FRMD7: variants seen among roughly 807,000 people sequenced by gnomAD.
FRMD7 encodes FERM domain containing 7.
FRMD7 carries 14 observed loss-of-function variants against 44.1 expected under a neutral mutation model. The observed-to-expected ratio is 0.32, with a 90% CI of 0.21 to 0.50. FRMD7 has a LOEUF of 0.50. FRMD7 is among the 20% of genes least tolerant of loss of function. The pLI, the probability that FRMD7 is intolerant of heterozygous loss-of-function variation, is 0.99. For synonymous variants in FRMD7, 212 were observed against 187.4 expected (o/e 1.13, Z -1.07); for missense variants, 501 against 522.3 (o/e 0.96, Z 0.40).
At chrX:132,099,564 T>TC in intron 2 of FRMD7, 54 bp from the exon 3 acceptor site, 1 of 906,338 alleles carries the variant, frequency 1.1e-6, no homozygotes, top group South Asian at 2.1e-5. Flanking sequence ...GCAGAGCTTT[T>TC]TTTTTTTCGG....
intron 1 of FRMD7, among the ~76,000 whole-genome samples, chrX:132,103,104 C>T (rs1263756659): frequency 8.9e-6 from 1 of 111,864 alleles, no homozygotes; most frequent in Non-Finnish European, 1.9e-5. Flanking sequence ...AGGCATTTTC[C>T]TTCAGTCCTC....
chrX:132,077,964 G>T lies in FRMD7; in HGVS notation c.2053C>A (p.Gln685Lys), dbSNP rs1379860528. The T allele has an allele frequency of 8.3e-7, 1 of 1,211,313 alleles. No homozygotes were observed. The change falls in exon 12 of 12, where the codon CAG (glutamine) becomes AAG (lysine). Residue 685 changes from glutamine (Q) to lysine (K), a missense_variant. This residue lies in a region of FRMD7 where 453 missense variants were observed against 452.7 expected (regional missense o/e 1.00). Coordinates refer to ENST00000298542, the MANE Select transcript of FRMD7 (RefSeq NM_194277.3). ...GCATCTTCATCTTCTTCATCTAACT[G>T]TAGACTACCAGAAGACAGGCGGATT... The part of the protein sequence containing the change: ...ARIRLSSGSL[Q>K]LDEEDEDAYF...
intron 5 of FRMD7, among the ~76,000 whole-genome samples, chrX:132,090,567 C>T (rs896432705): frequency 9.0e-6 from 1 of 110,899 alleles, no homozygotes; most frequent in Non-Finnish European, 1.9e-5. Flanking sequence ...GGGAACAGGG[C>T]GTGACTGCAA....
intron 5 of FRMD7, among the ~76,000 whole-genome samples, chrX:132,088,426 C>T (rs1283985560): frequency 1.8e-5 from 2 of 110,799 alleles, no homozygotes; most frequent in Non-Finnish European, 3.8e-5. Context: ...TGGCACATGC[C>T]TGTGGTCCCA....
intron 5 of FRMD7, among the ~76,000 whole-genome samples, chrX:132,093,618 A>C (rs750444882): frequency 8.9e-6 from 1 of 112,752 alleles, no homozygotes; most frequent in African/African-American, 3.2e-5. Context: ...TGTTCTCTGA[A>C]ATCATGATAA....
At chrX:132,115,598 C>A (rs184354135) in intron 1 of FRMD7, among the ~76,000 whole-genome samples, 1 of 111,777 alleles carries the variant, frequency 8.9e-6, no homozygotes, top group East Asian at 2.8e-4. Flanking sequence ...GGGATACTAA[C>A]CTTTGTGTCT....
intron 5 of FRMD7, among the ~76,000 whole-genome samples, chrX:132,090,341 T>G (rs956455398): frequency 1.1e-4 from 12 of 110,658 alleles, no homozygotes; most frequent in African/African-American, 3.9e-4. Context: ...AAAAAAAAAG[T>G]GGTAAATCCA....
chrX:132,123,202 G>A (rs757424203), intron 1 of FRMD7, among the ~76,000 whole-genome samples: 4 of 111,696 alleles, frequency 3.6e-5, no homozygotes, highest in Non-Finnish European at 7.5e-5. Flanking sequence ...AGGATTTACA[G>A]TTGACAGAAC....
intron 1 of FRMD7, among the ~76,000 whole-genome samples, chrX:132,103,736 G>A (rs1438223657): frequency 2.7e-5 from 3 of 111,907 alleles, no homozygotes; most frequent in Non-Finnish European, 3.8e-5. Flanking sequence ...AAAATAAATC[G>A]GGATTGTAAT....
chrX:132,089,593 A>G (rs1928104759), intron 5 of FRMD7, among the ~76,000 whole-genome samples: 1 of 112,171 alleles, frequency 8.9e-6, no homozygotes, highest in Non-Finnish European at 1.9e-5. Context: ...TGCAAATTGT[A>G]TATCTTATAA....
chrX:132,094,600 A>C (rs757830370), intron 4 of FRMD7, among the ~76,000 whole-genome samples: 13 of 112,308 alleles, frequency 1.2e-4, no homozygotes, highest in Non-Finnish European at 1.9e-4. Flanking sequence ...TTACAGTTAT[A>C]GAAAGAGAGG....
chrX:132,120,968 C>G (rs1929019791), intron 1 of FRMD7, among the ~76,000 whole-genome samples: 1 of 111,947 alleles, frequency 8.9e-6, no homozygotes, highest in African/African-American at 3.2e-5. Context: ...CGTTATGATT[C>G]CAGGATGATC....
At chrX:132,110,520 G>A (rs1928751566) in intron 1 of FRMD7, among the ~76,000 whole-genome samples, 1 of 111,373 alleles carries the variant, frequency 9.0e-6, no homozygotes, top group African/African-American at 3.3e-5. Flanking sequence ...GTCCATCATC[G>A]CTGAGTTTAG....
At position 132,119,260 on chromosome X, in the gene FRMD7, T is replaced by C. The variant is rs187292578; in HGVS notation, c.57+8528A>G. ...ACAGACGTATTAAGTAATGATTGTA[T>C]GAAATAATGTAAGTGGAAGTTCCTG... On this transcript the variant is annotated intron_variant, in intron 1 of 11. Transcript: ENST00000298542. Among the ~76,000 whole-genome samples the C allele has an allele frequency of 3.6e-5, 4 of 112,306 alleles. No individual in the cohort carries two copies. In the Admixed American group the frequency reaches 3.8e-4, roughly 11 times the overall value.
chrX:132,108,045 G>T (rs1474368433), intron 1 of FRMD7, among the ~76,000 whole-genome samples: 1 of 111,901 alleles, frequency 8.9e-6, no homozygotes, highest in African/African-American at 3.3e-5. Flanking sequence ...ACACACCTGG[G>T]CCTAGTTCTG....
At chrX:132,092,380 T>C (rs1032594746) in intron 5 of FRMD7, among the ~76,000 whole-genome samples, 3 of 111,399 alleles carry the variant, frequency 2.7e-5, no homozygotes, top group African/African-American at 9.8e-5. Flanking sequence ...TGGAGGTTCT[T>C]GAACGCTTAA....
Position 132,117,464 on chromosome X carries a change from G to C in FRMD7, c.57+10324C>G, listed in dbSNP as rs766293869. Among the ~76,000 whole-genome samples the C allele has an allele frequency of 2.7e-5, 3 of 112,170 alleles. No individual in the cohort carries two copies. In the Admixed American group the frequency reaches 2.8e-4, roughly 11 times the overall value. On this transcript the variant is annotated intron_variant, in intron 1 of 11. Coordinates refer to ENST00000298542, the MANE Select transcript of FRMD7 (RefSeq NM_194277.3). The stretch of plus-strand genomic sequence containing the variant: ...TATGCAATGGCTAAATCGAGGTAAC[G>C]TGCTTTACCTCACATACTTATCATT...
rs1929193983 is a variant in FRMD7 at position 132,127,859 on chromosome X, T to C, written c.-15A>G. On this transcript the variant is annotated 5_prime_UTR_variant, in exon 1 of 12. Coordinates refer to ENST00000298542, the MANE Select transcript of FRMD7 (RefSeq NM_194277.3). ...AAATGTAGCATTCTCAGCGAGGCCG[T>C]TGGGCTGCAAGCAGGCTCAGAGTGC... 2 of 1,197,138 alleles carry C rather than the reference T, an allele frequency of 1.7e-6. No homozygotes were observed. Among genetic ancestry groups the C allele is most frequent in the Non-Finnish European group, 2.3e-6 (2 of 882,178 alleles).
At chrX:132,104,254 G>A (rs955347260) in intron 1 of FRMD7, among the ~76,000 whole-genome samples, 4 of 112,016 alleles carry the variant, frequency 3.6e-5, no homozygotes, top group Middle Eastern at 4.7e-3. Flanking sequence ...TATTCCTGGA[G>A]AGGAGATAAA....
Sources: gnomAD v4.1 joint callset for allele counts (sites outside exome capture counted in the v4.1 genomes callset) on GRCh38, gnomAD v4.1.1 for gene constraint, gnomAD v4.1.1 regional missense constraint, MANE v1.5 for transcripts, NCBI Gene and HGNC (gene_info 2026-07-23, HGNC 2026-07-21) for gene names.